FAM107B: variants seen among roughly 807,000 people sequenced by gnomAD.
FAM107B encodes protein FAM107B.
Under a neutral mutation model 31.5 loss-of-function variants are expected in FAM107B, and 21 were observed. The observed-to-expected ratio is 0.67, with a 90% confidence interval of 0.47 to 0.96. The LOEUF (loss-of-function observed/expected upper bound fraction) is 0.96. Ranked by LOEUF, FAM107B falls within the 40% of genes least tolerant of loss-of-function variation. FAM107B has a pLI of 0.00. For missense variants in FAM107B, 452 were observed against 377.1 expected, an observed-to-expected ratio of 1.20 and a Z score of -1.64; for synonymous variants, 157 against 141.5, an observed-to-expected ratio of 1.11 and a Z score of -0.78.
chr10:14,679,877 C>T (rs920695684), intron 1 of FAM107B, among the ~76,000 whole-genome samples: 9 of 152,136 alleles, frequency 5.9e-5, no homozygotes, highest in Non-Finnish European at 1.3e-4. Context: ...TTCAGTCTTC[C>T]GGCCTCCATC....
At chr10:14,530,589 G>T in intron 2 of FAM107B, 74 bp from the exon 3 acceptor site, 1 of 1,430,838 alleles carries the variant, frequency 7.0e-7, no homozygotes, top group Non-Finnish European at 9.6e-7. Flanking sequence ...GAGGCCCACA[G>T]AGCTGTGCTC....
intron 2 of FAM107B, among the ~76,000 whole-genome samples, chr10:14,591,741 A>T (rs536997833): frequency 6.9e-4 from 105 of 152,220 alleles, no homozygotes; most frequent in Non-Finnish European, 7.2e-4. Flanking sequence ...AGCTGAGGCA[A>T]CGTTAAGCCA....
rs762299779 is a variant in FAM107B, at chr10:14,574,308, A to T, written c.470-43793T>A. On this transcript the variant is annotated intron_variant, in intron 2 of 4. Coordinates refer to ENST00000181796, the MANE Select transcript of FAM107B (RefSeq NM_031453.4). ...CACAATATGTATGCACGGTGGATAT[A>T]ATCTATCCAATATCTCAAAACTGAA... Among the ~76,000 whole-genome samples the T allele has an allele frequency of 2.0e-5, 3 of 152,344 alleles. No individual in the cohort carries two copies. The East Asian group carries it at 5.8e-4, about 29-fold the overall frequency.
chr10:14,654,762 C>T (rs145362878), intron 2 of FAM107B, among the ~76,000 whole-genome samples: 14 of 152,246 alleles, frequency 9.2e-5, no homozygotes, highest in African/African-American at 2.4e-4. Flanking sequence ...ATATGCTTTG[C>T]GATAGTCAAC....
intron 2 of FAM107B, among the ~76,000 whole-genome samples, chr10:14,545,249 C>T (rs1848587127): frequency 6.6e-6 from 1 of 152,178 alleles, no homozygotes; most frequent in South Asian, 2.1e-4. Flanking sequence ...TGCTACAGCA[C>T]CTCTCTATTT....
chr10:14,637,684 G>A (rs1185941356), intron 2 of FAM107B, among the ~76,000 whole-genome samples: 2 of 152,234 alleles, frequency 1.3e-5, no homozygotes, highest in Middle Eastern at 3.4e-3. Context: ...GGATGGACAT[G>A]ATTCCAAGAT....
intron 2 of FAM107B, among the ~76,000 whole-genome samples, chr10:14,595,215 T>C (rs537450087): frequency 1.3e-5 from 2 of 152,294 alleles, no homozygotes; most frequent in East Asian, 1.9e-4. Flanking sequence ...GTGAATTGTA[T>C]GGAATATAAA....
At chr10:14,670,851 T>C (rs1202694306) in intron 1 of FAM107B, among the ~76,000 whole-genome samples, 1 of 152,250 alleles carries the variant, frequency 6.6e-6, no homozygotes, top group Non-Finnish European at 1.5e-5. Flanking sequence ...ATAAACTATG[T>C]TCTATTTAGA....
At position 14,700,827 on chromosome 10, in the gene FAM107B, CAAAAAAAAAA is replaced by C. The variant is rs1159035034; in HGVS notation, c.412-33146_412-33137del. Among the ~76,000 whole-genome samples, 10 of 76,020 alleles carry C rather than the reference CAAAAAAAAAA, an allele frequency of 1.3e-4. 1 individual carries two copies. Among genetic ancestry groups the C allele is most frequent in the Admixed American group, 1.9e-4 (1 of 5,372 alleles). 49.9% of individuals were successfully genotyped at this position (76,020 alleles called of 152,430 possible). ...TCACTTGGATGCTGATGGCAAGAGG[CAAAAAAAAAA>C]AAAAAAAAAAAAAAACGCACTAGGG... On this transcript the variant is annotated intron_variant, in intron 1 of 4. Coordinates refer to ENST00000181796, the MANE Select transcript of FAM107B (RefSeq NM_031453.4).
chr10:14,714,319 C>CTCAGGGA (rs199863303), intron 1 of FAM107B, among the ~76,000 whole-genome samples: 7,996 of 152,302 alleles, frequency 0.053, 289 homozygotes, highest in Non-Finnish European at 0.078. Context: ...ACCCCTACAG[C>CTCAGGGA]CTCTGTTAGC....
chr10:14,587,881 G>A (rs4750533), intron 2 of FAM107B, among the ~76,000 whole-genome samples: 19,967 of 152,102 alleles, frequency 0.13, 1,615 homozygotes, highest in South Asian at 0.21. Flanking sequence ...TAAAATCAGA[G>A]GGTTAGGTGT....
rs78973358 is a variant in FAM107B, at chr10:14,660,957, G to C, written c.469+6677C>G. On this transcript the variant is annotated intron_variant, in intron 2 of 4. Transcript: ENST00000181796. ...GGAGGGGCCTGGCAGGAGGTGACTG[G>C]ATCATGTGAGTGGATTTTCCCCTGT... 1.0e-3 allele frequency among the ~76,000 whole-genome samples: 155 copies of C among 152,246 alleles called. 1 individual carries two copies. The East Asian group carries it at 0.027, about 27-fold the overall frequency.
chr10:14,669,656 A>C, intron 1 of FAM107B, among the ~76,000 whole-genome samples: 1 of 152,228 alleles, frequency 6.6e-6, no homozygotes, highest in East Asian at 1.9e-4. Context: ...GGAAAGATAA[A>C]TATCTGTTTG....
chr10:14,604,141 G>C, intron 2 of FAM107B: 748 of 268,308 alleles, frequency 2.8e-3, no homozygotes, highest in Middle Eastern at 4.1e-3. Flanking sequence ...CCGCCCGCCC[G>C]CCGAGAGGGT....
chr10:14,522,327 G>A (rs554314343), intron 3 of FAM107B: 1 of 265,446 alleles, frequency 3.8e-6, no homozygotes, highest in Admixed American at 5.0e-5. Context: ...TACGATGACT[G>A]TGATGGGTGC....
chr10:14,721,091 G>A (rs983688964), intron 1 of FAM107B, among the ~76,000 whole-genome samples: 6 of 152,026 alleles, frequency 3.9e-5, no homozygotes, highest in East Asian at 1.9e-4. Context: ...GAGAACATGC[G>A]GTGTTTTGTT....
At chr10:14,691,501 G>C (rs1855133635) in intron 1 of FAM107B, among the ~76,000 whole-genome samples, 1 of 152,198 alleles carries the variant, frequency 6.6e-6, no homozygotes. Flanking sequence ...CAGGCAGTGA[G>C]CTGAAAGCTT....
chr10:14,767,853 C>A (rs1437230234), intron 1 of FAM107B, among the ~76,000 whole-genome samples: 4 of 151,398 alleles, frequency 2.6e-5, no homozygotes, highest in African/African-American at 9.8e-5. Flanking sequence ...TAAAAGGCAT[C>A]CAAATTGGAA....
rs1350081955 is a variant in FAM107B at position 14,774,408 on chromosome 10, T to G, written c.256A>C (p.Asn86His). 1.9e-6 allele frequency: 3 copies of G among 1,614,092 alleles called. No individual in the cohort carries two copies. In the African/African-American group the frequency reaches 4.0e-5, roughly 22 times the overall value. The change falls in exon 1 of 5, where the codon AAT becomes CAT. Residue 86 changes from asparagine (N) to histidine (H), a missense_variant. Transcript: ENST00000181796. ...RQDSSTHAER[N>H]GSANRNSSHR... Reference sequence around the variant, plus strand: ...CTTGAATTCCGATTCGCACTGCCATTTCTCTCTGCATGGGTGCTCGAATCT... The same window carrying G: ...CTTGAATTCCGATTCGCACTGCCATGTCTCTCTGCATGGGTGCTCGAATCT...
Sources: allele counts gnomAD v4.1 joint callset (sites outside exome capture counted in the v4.1 genomes callset), GRCh38; gene constraint gnomAD v4.1.1; transcripts MANE v1.5; gene names NCBI Gene and HGNC (gene_info 2026-07-23, HGNC 2026-07-21).